The following SEZ6L variants were observed in gnomAD, a reference collection of about 807,000 sequenced individuals.
SEZ6L encodes seizure related 6 homolog like.
In SEZ6L, 37 loss-of-function variants were observed where a neutral mutation model predicts 106.2. The observed-to-expected ratio is 0.35, with a 90% CI of 0.27 to 0.46. SEZ6L has a LOEUF of 0.46. Ranked by LOEUF, SEZ6L falls within the 20% of genes least tolerant of loss-of-function variation. The pLI is 1.00. For missense variants in SEZ6L, 1,172 were observed against 1,332.8 expected (o/e 0.88, Z 1.88); for synonymous variants, 541 against 570.4 (o/e 0.95, Z 0.73).
chr22:26,230,817 A>T (rs2078776035), intron 1 of SEZ6L, among the ~76,000 whole-genome samples: 1 of 152,244 alleles, frequency 6.6e-6, no homozygotes, highest in Non-Finnish European at 1.5e-5. Flanking sequence ...TAGGAGGGGA[A>T]GATTTTGATA....
chr22:26,229,364 G>A (rs930127111), intron 1 of SEZ6L, among the ~76,000 whole-genome samples: 2 of 152,066 alleles, frequency 1.3e-5, no homozygotes, highest in African/African-American at 4.8e-5. Context: ...GCTCTGCCCC[G>A]GGCTTGTAAC....
intron 1 of SEZ6L, among the ~76,000 whole-genome samples, chr22:26,281,031 G>T (rs1252926585): frequency 6.6e-6 from 1 of 152,058 alleles, no homozygotes; most frequent in Non-Finnish European, 1.5e-5. Context: ...TTAAATTATT[G>T]TCCCTTCTAA....
At chr22:26,264,182 T>C (rs2080104077) in intron 1 of SEZ6L, among the ~76,000 whole-genome samples, 1 of 152,246 alleles carries the variant, frequency 6.6e-6, no homozygotes, top group African/African-American at 2.4e-5. Flanking sequence ...TCTTGGCAGA[T>C]TCTGAGGCTG....
chr22:26,355,439 C>G (rs16981857), intron 12 of SEZ6L, among the ~76,000 whole-genome samples: 10,640 of 152,198 alleles, frequency 0.07, 1,305 homozygotes, highest in African/African-American at 0.24. Flanking sequence ...TGCATAAGCC[C>G]CTGGGCCCAG....
At chr22:26,199,793 T>C (rs547498372) in intron 1 of SEZ6L, among the ~76,000 whole-genome samples, 1 of 152,314 alleles carries the variant, frequency 6.6e-6, no homozygotes, top group East Asian at 1.9e-4. Context: ...GTAGATTCAG[T>C]TCTACAAGAC....
At chr22:26,226,850 C>A (rs144875436) in intron 1 of SEZ6L, among the ~76,000 whole-genome samples, 1 of 152,290 alleles carries the variant, frequency 6.6e-6, no homozygotes, top group East Asian at 1.9e-4. Context: ...TTGCCCCATC[C>A]CTTTGTTCCT....
chr22:26,292,333 C>A lies in SEZ6L; in HGVS notation c.95-73C>A, dbSNP rs892080655. 5.5e-6 allele frequency: 7 copies of A among 1,273,042 alleles called. No individual in the cohort carries two copies. The African/African-American group carries it at 7.4e-5, about 14-fold the overall frequency. 78.9% of individuals were successfully genotyped at this position (1,273,042 alleles called of 1,614,324 possible). A position where few individuals can be genotyped will look rare whatever the true frequency, so the allele number is the denominator to read the frequency against. On this transcript the variant is annotated intron_variant, in intron 1 of 16. Coordinates refer to ENST00000248933, the MANE Select transcript of SEZ6L (RefSeq NM_021115.5). ...TTGGGCACCGCCCTTAGGAGGGCCA[C>A]CCTCAGAGTCTGACAGCAGGTGAAG... is the stretch of plus-strand genomic sequence containing the variant.
chr22:26,253,413 C>T (rs531827089), intron 1 of SEZ6L, among the ~76,000 whole-genome samples: 14 of 150,698 alleles, frequency 9.3e-5, no homozygotes, highest in African/African-American at 3.2e-4. Flanking sequence ...GTCCCTAGAC[C>T]CTTATTTAGG....
chr22:26,348,608 G>GAA lies in SEZ6L; in HGVS notation c.2407+696_2407+697insAA, dbSNP rs1163927759. ...AAAGAGAAAGAAAGAAAGAAAGAAA[G>GAA]AGAAAAAGAAAGAAAGAAAGAAAGA... On this transcript the variant is annotated intron_variant, in intron 11 of 16. Coordinates refer to ENST00000248933, the MANE Select transcript of SEZ6L (RefSeq NM_021115.5). 2.3e-3 allele frequency among the ~76,000 whole-genome samples: 102 copies of GAA among 45,154 alleles called. 3 individuals are homozygous for GAA. The highest frequency in any genetic ancestry group is 8.4e-3 in the East Asian group (8 of 956). 29.6% of individuals were successfully genotyped at this position (45,154 alleles called of 152,430 possible). A position where few individuals can be genotyped will look rare whatever the true frequency, so the allele number is the denominator to read the frequency against.
Position 26,292,855 on chromosome 22 carries a change from G to C in SEZ6L, c.544G>C (p.Val182Leu), listed in dbSNP as rs2081179889. Residue 182 changes from valine (V) to leucine (L), a missense_variant, in exon 2 of 17, where the codon GTG (valine) becomes CTG (leucine). Transcript: ENST00000248933. ...PIVASEEASE[V>L]PLWLDRKESA... ...CGTGGCCTCCGAGGAGGCATCAGAA[G>C]TGCCCCTTTGGCTGGACCGAAAGGA... 1 of 1,614,044 alleles carries C rather than the reference G, an allele frequency of 6.2e-7. No homozygotes were observed. Among genetic ancestry groups the C allele is most frequent in the Non-Finnish European group, 8.5e-7 (1 of 1,180,008 alleles).
chr22:26,336,012 C>G (rs1014887639), intron 9 of SEZ6L, among the ~76,000 whole-genome samples: 1 of 152,130 alleles, frequency 6.6e-6, no homozygotes, highest in African/African-American at 2.4e-5. Flanking sequence ...GCCTTCTTTT[C>G]CTTCTCTTAT....
rs148319865 is a variant in SEZ6L, at chr22:26,193,594, A to G, written c.94+23831A>G. The stretch of plus-strand genomic sequence containing the variant: ...GGAGATGTGTTGAGAAAGTTAATTA[A>G]CCCATCCTCATCCCACTGCACCAAG... On this transcript the variant is annotated intron_variant, in intron 1 of 16. Coordinates refer to ENST00000248933, the MANE Select transcript of SEZ6L (RefSeq NM_021115.5). 4.4e-3 allele frequency among the ~76,000 whole-genome samples: 665 copies of G among 152,264 alleles called. 2 individuals carry two copies. Among genetic ancestry groups the G allele is most frequent in the African/African-American group, 0.015 (635 of 41,540 alleles).
intron 1 of SEZ6L, among the ~76,000 whole-genome samples, chr22:26,233,124 C>A (rs780827879): frequency 6.6e-6 from 1 of 152,252 alleles, no homozygotes; most frequent in Non-Finnish European, 1.5e-5. Context: ...TCTCTCACAG[C>A]AATCGTCCCT....
chr22:26,197,501 G>C (rs537919613), intron 1 of SEZ6L, among the ~76,000 whole-genome samples: 14 of 152,296 alleles, frequency 9.2e-5, no homozygotes, highest in African/African-American at 3.1e-4. Flanking sequence ...CTGCAACTCT[G>C]CTGAGGAGAC....
chr22:26,250,662 T>C (rs765105867), intron 1 of SEZ6L, among the ~76,000 whole-genome samples: 1 of 152,208 alleles, frequency 6.6e-6, no homozygotes, highest in Non-Finnish European at 1.5e-5. Context: ...TGTGCTTCCA[T>C]AGGAATTTTA....
chr22:26,296,912 G>A lies in SEZ6L; in HGVS notation c.994G>A (p.Gly332Arg). ...GGTGAAGAGTGTGAACCTGTCCGAT[G>A]GGGAACTGCTCTCCATCCGCGGGGT... The part of the protein sequence containing the change: ...LQVKSVNLSD[G>R]ELLSIRGVDG... Residue 332 changes from glycine to arginine, a missense_variant, in exon 4 of 17, where the codon GGG becomes AGG. Coordinates refer to ENST00000248933, the MANE Select transcript of SEZ6L (RefSeq NM_021115.5). The A allele has an allele frequency of 1.2e-6, 2 of 1,611,524 alleles. No individual in the cohort carries two copies. Among genetic ancestry groups the A allele is most frequent in the Non-Finnish European group, 1.7e-6 (2 of 1,178,640 alleles).
At chr22:26,278,006 G>T (rs1048527221) in intron 1 of SEZ6L, among the ~76,000 whole-genome samples, 2 of 152,156 alleles carry the variant, frequency 1.3e-5, no homozygotes, top group Non-Finnish European at 2.9e-5. Context: ...AAAGAGAGAG[G>T]CATTGATTGA....
chr22:26,179,871 G>A (rs929014382), intron 1 of SEZ6L, among the ~76,000 whole-genome samples: 6 of 152,074 alleles, frequency 3.9e-5, no homozygotes, highest in African/African-American at 1.2e-4. Context: ...ATCACCACAT[G>A]TGCACTCTCT....
At chr22:26,362,816 G>GT (rs2083678471) in intron 12 of SEZ6L, among the ~76,000 whole-genome samples, 1 of 152,136 alleles carries the variant, frequency 6.6e-6, no homozygotes, top group Non-Finnish European at 1.5e-5. Flanking sequence ...ATAACTCCCA[G>GT]GGAAGACTGC....
Sources: allele counts gnomAD v4.1 joint callset (sites outside exome capture counted in the v4.1 genomes callset), GRCh38; gene constraint gnomAD v4.1.1; transcripts MANE v1.5; gene names NCBI Gene and HGNC (gene_info 2026-07-23, HGNC 2026-07-21).